Variants in CRIM1 observed in about 807,000 individuals in gnomAD.
CRIM1 encodes cysteine-rich motor neuron 1 protein.
In CRIM1, 32 loss-of-function variants were observed where a neutral mutation model predicts 116.4. The ratio of observed to expected loss-of-function variants is 0.27; its 90% confidence interval spans 0.21 to 0.37. CRIM1 has a LOEUF of 0.37. Among genes scored for constraint, CRIM1 ranks in the 10% least tolerant of loss-of-function variants. CRIM1 has a pLI of 1.00. For missense variants in CRIM1, 1,331 were observed against 1,354.8 expected (o/e 0.98, Z 0.28); for synonymous variants, 590 against 509.2 (o/e 1.16, Z -2.13).
intron 2 of CRIM1, among the ~76,000 whole-genome samples, chr2:36,407,802 G>T (rs1672924544): frequency 6.6e-6 from 1 of 151,884 alleles, no homozygotes; most frequent in Non-Finnish European, 1.5e-5. Flanking sequence ...CTACACATTA[G>T]GTTACAAAAA....
intron 4 of CRIM1, among the ~76,000 whole-genome samples, chr2:36,450,912 A>AACT (rs1676667630): frequency 6.6e-6 from 1 of 152,206 alleles, no homozygotes; most frequent in South Asian, 2.1e-4. Context: ...ATAGATAGAG[A>AACT]TGTTTAGAAG....
At chr2:36,399,577 G>A (rs1210971921) in intron 2 of CRIM1, among the ~76,000 whole-genome samples, 1 of 152,198 alleles carries the variant, frequency 6.6e-6, no homozygotes, top group African/African-American at 2.4e-5. Flanking sequence ...CTTTTGAGGA[G>A]TCTCGTGATA....
intron 2 of CRIM1, among the ~76,000 whole-genome samples, 193 bp downstream of exon 2, chr2:36,396,980 G>A (rs1180825069): frequency 6.6e-6 from 1 of 152,186 alleles, no homozygotes; most frequent in African/African-American, 2.4e-5. Flanking sequence ...CTATGGAATG[G>A]CGGTGCTGTG....
At chr2:36,387,249 A>G (rs1012471902) in intron 1 of CRIM1, among the ~76,000 whole-genome samples, 1 of 152,224 alleles carries the variant, frequency 6.6e-6, no homozygotes, top group African/African-American at 2.4e-5. Flanking sequence ...TAATCCAAGG[A>G]TGTCTTTTTA....
intron 8 of CRIM1, among the ~76,000 whole-genome samples, chr2:36,501,738 A>G (rs1681015727): frequency 1.3e-5 from 2 of 150,490 alleles, no homozygotes; most frequent in African/African-American, 4.9e-5. Context: ...CTAACAAACA[A>G]AAAAAAAACT....
chr2:36,486,463 G>T (rs1350333524), intron 7 of CRIM1, among the ~76,000 whole-genome samples: 1 of 152,034 alleles, frequency 6.6e-6, no homozygotes, highest in Non-Finnish European at 1.5e-5. Context: ...ATGAAGATTG[G>T]TCTTATACTC....
At chr2:36,527,169 A>G (rs1377173675) in intron 13 of CRIM1, among the ~76,000 whole-genome samples, 1 of 151,098 alleles carries the variant, frequency 6.6e-6, no homozygotes, top group Non-Finnish European at 1.5e-5. Context: ...ATATTTACTT[A>G]TACATTATAT....
chr2:36,504,324 C>G (rs1158204184), intron 8 of CRIM1, among the ~76,000 whole-genome samples: 1 of 152,172 alleles, frequency 6.6e-6, no homozygotes, highest in African/African-American at 2.4e-5. Flanking sequence ...AGTCCTTACC[C>G]TTGACTCACA....
intron 1 of CRIM1, among the ~76,000 whole-genome samples, chr2:36,383,308 CTA>C (rs1402218047): frequency 1.3e-5 from 2 of 152,126 alleles, no homozygotes; most frequent in African/African-American, 2.4e-5. Context: ...TCCTTGACTG[CTA>C]TGTTTTAAAA....
At chr2:36,448,158 A>G (rs1361651497) in intron 4 of CRIM1, among the ~76,000 whole-genome samples, 3 of 152,254 alleles carry the variant, frequency 2.0e-5, no homozygotes, top group African/African-American at 7.2e-5. Flanking sequence ...ACTTTGGGAT[A>G]CCAGAAAATC....
At position 36,479,479 on chromosome 2, in the gene CRIM1, A is replaced by G. The variant is rs112917820; in HGVS notation, c.1175-18A>G. 1.4e-3 allele frequency: 2,307 copies of G among 1,612,680 alleles called. 24 individuals carry two copies. In the African/African-American group the frequency reaches 0.027, roughly 19 times the overall value. On this transcript the variant is annotated intron_variant, in intron 6 of 16. Transcript: ENST00000280527. ...TAGAAGATGCTCAGTCTAACTCTGA[A>G]CTCATGTTCTCATTTAGATCCAGTG...
intron 13 of CRIM1, among the ~76,000 whole-genome samples, chr2:36,536,298 T>C (rs1308188711): frequency 6.6e-6 from 1 of 152,208 alleles, no homozygotes; most frequent in Non-Finnish European, 1.5e-5. Flanking sequence ...TCCCAGATGC[T>C]TTCCAGGAAG....
chr2:36,367,202 C>G (rs1470657420), intron 1 of CRIM1, among the ~76,000 whole-genome samples: 1 of 152,154 alleles, frequency 6.6e-6, no homozygotes, highest in East Asian at 1.9e-4. Flanking sequence ...CACTGAGTTC[C>G]TATATTTCAG....
At chr2:36,508,467 C>T (rs573848950) in intron 8 of CRIM1, among the ~76,000 whole-genome samples, 2 of 152,250 alleles carry the variant, frequency 1.3e-5, no homozygotes, top group African/African-American at 4.8e-5. Flanking sequence ...CCAGTGACTT[C>T]TGTGTTATTA....
intron 5 of CRIM1, among the ~76,000 whole-genome samples, chr2:36,469,057 T>A (rs1035585424): frequency 6.6e-6 from 1 of 152,194 alleles, no homozygotes; most frequent in Non-Finnish European, 1.5e-5. Flanking sequence ...TTACGGTATT[T>A]AATACTGAAC....
rs1667718589 is a variant in CRIM1 at position 36,550,792 on chromosome 2, A to T, written c.*2091A>T. Reference sequence around the variant, plus strand: ...TGTTGGTAATTAATCCATTCCTGGCATAAAAAGTCTTTATCAAAAAAAATT... The same window carrying T: ...TGTTGGTAATTAATCCATTCCTGGCTTAAAAAGTCTTTATCAAAAAAAATT... On this transcript the variant is annotated 3_prime_UTR_variant, in exon 17 of 17. Transcript: ENST00000280527. The T allele has an allele frequency of 6.6e-6, 1 of 152,552 alleles. No individual in the cohort carries two copies. Among genetic ancestry groups the T allele is most frequent in the African/African-American group, 2.4e-5 (1 of 41,454 alleles). The allele number at this position is 152,552 out of a possible 1,614,324, so 9.4% of individuals were successfully genotyped here. A position where few individuals can be genotyped will look rare whatever the true frequency, so the allele number is the denominator to read the frequency against.
intron 5 of CRIM1, among the ~76,000 whole-genome samples, chr2:36,468,465 A>G (rs545016012): frequency 6.6e-6 from 1 of 152,314 alleles, no homozygotes; most frequent in South Asian, 2.1e-4. Context: ...TTCTCTGACA[A>G]GCGCCGAAAG....
In CRIM1 at chr2:36,445,053, G is replaced by A. The variant is rs56309608; in HGVS notation, c.869+2318G>A. ...CCTGTGTGATTGTCAAGGAAAGGGA[G>A]TATTTTGTAGCCTCTTGTACCTAAA... On this transcript the variant is annotated intron_variant, in intron 4 of 16. Coordinates refer to ENST00000280527, the MANE Select transcript of CRIM1 (RefSeq NM_016441.3). 8.8e-3 allele frequency among the ~76,000 whole-genome samples: 1,336 copies of A among 152,284 alleles called. 17 individuals are homozygous for A. The highest frequency in any genetic ancestry group is 0.031 in the African/African-American group (1,292 of 41,554).
At chr2:36,520,168 G>A (rs1176826419) in intron 12 of CRIM1, among the ~76,000 whole-genome samples, 2 of 152,166 alleles carry the variant, frequency 1.3e-5, no homozygotes, top group African/African-American at 2.4e-5. Context: ...CCCTCACACC[G>A]TCACTGCCAG....
Sources: gnomAD v4.1 joint callset for allele counts (sites outside exome capture counted in the v4.1 genomes callset) on GRCh38, gnomAD v4.1.1 for gene constraint, MANE v1.5 for transcripts, NCBI Gene and HGNC (gene_info 2026-07-23, HGNC 2026-07-21) for gene names.